KCNIP1: variants seen among roughly 807,000 people sequenced by gnomAD.
The protein encoded by KCNIP1 is potassium voltage-gated channel interacting protein 1.
KCNIP1 carries 18 observed loss-of-function variants against 33.0 expected under a neutral mutation model. That is an observed-to-expected ratio of 0.55 (90% confidence interval 0.38 to 0.81). The LOEUF is 0.81. Ranked by LOEUF, KCNIP1 falls within the 30% of genes least tolerant of loss-of-function variation. The pLI is 0.00. For synonymous variants in KCNIP1, 93 were observed against 98.3 expected, an observed-to-expected ratio of 0.95 and a Z score of 0.32; for missense variants, 238 against 271.6, an observed-to-expected ratio of 0.88 and a Z score of 0.87.
intron 1 of KCNIP1, among the ~76,000 whole-genome samples, chr5:170,557,520 G>A (rs113360978): frequency 2.7e-4 from 41 of 152,098 alleles, no homozygotes; most frequent in Non-Finnish European, 5.0e-4. Context: ...CTCTGTGCTT[G>A]GGGTCAACCA....
At chr5:170,383,472 G>GTTTA (rs1463440461) in intron 1 of KCNIP1, 4 of 639,146 alleles carry the variant, frequency 6.3e-6, no homozygotes, top group Non-Finnish European at 1.1e-5. Flanking sequence ...GCCTGCCTAT[G>GTTTA]TTTACACAGC....
intron 1 of KCNIP1, among the ~76,000 whole-genome samples, chr5:170,476,253 G>A (rs1317061184): frequency 6.6e-6 from 1 of 152,210 alleles, no homozygotes; most frequent in Non-Finnish European, 1.5e-5. Flanking sequence ...TTACAGGCAT[G>A]AGCTACTGCA....
At chr5:170,493,368 C>T (rs1044039969) in intron 1 of KCNIP1, among the ~76,000 whole-genome samples, 9 of 152,122 alleles carry the variant, frequency 5.9e-5, no homozygotes, top group Non-Finnish European at 7.4e-5. Flanking sequence ...AAAGCACTTC[C>T]TAGATCTGCG....
intron 1 of KCNIP1, chr5:170,377,559 T>G (rs968963175): frequency 6.7e-6 from 1 of 150,368 alleles, no homozygotes; most frequent in Non-Finnish European, 1.5e-5. Context: ...TCCAGAGGGT[T>G]GTTTTTCATT....
intron 3 of KCNIP1, 136 bp from the exon 4 acceptor site, chr5:170,721,697 C>T: frequency 6.3e-7 from 1 of 1,591,152 alleles, no homozygotes; most frequent in Non-Finnish European, 8.6e-7. Flanking sequence ...CAATGGGCCC[C>T]ACTCCATAAT....
At chr5:170,449,666 T>C (rs1305446907) in intron 1 of KCNIP1, among the ~76,000 whole-genome samples, 1 of 152,166 alleles carries the variant, frequency 6.6e-6, no homozygotes, top group Non-Finnish European at 1.5e-5. Flanking sequence ...ATAAGGAACT[T>C]AGAACAGAAC....
At chr5:170,368,956 G>T (rs1192263880) in intron 1 of KCNIP1, among the ~76,000 whole-genome samples, 1 of 152,200 alleles carries the variant, frequency 6.6e-6, no homozygotes, top group Non-Finnish European at 1.5e-5. Context: ...ATTCGCATGT[G>T]CACAGAGAGA....
At chr5:170,528,387 A>G (rs1025160608) in intron 1 of KCNIP1, among the ~76,000 whole-genome samples, 3 of 152,170 alleles carry the variant, frequency 2.0e-5, no homozygotes, top group Non-Finnish European at 1.5e-5. Context: ...TGCAGGCCAG[A>G]CTTCAGTTCT....
chr5:170,426,829 G>A (rs909932689), intron 1 of KCNIP1, among the ~76,000 whole-genome samples: 13 of 152,236 alleles, frequency 8.5e-5, no homozygotes, highest in African/African-American at 2.7e-4. Context: ...CTGAGAGCCC[G>A]CCTCCCCTAC....
intron 7 of KCNIP1, 26 bp from the exon 8 acceptor site, chr5:170,735,733 A>T: frequency 6.2e-7 from 1 of 1,610,098 alleles, no homozygotes. Flanking sequence ...CAGAGTTCTA[A>T]CCCTCTTGCC....
At chr5:170,471,501 G>A (rs980502879) in intron 1 of KCNIP1, among the ~76,000 whole-genome samples, 1 of 152,160 alleles carries the variant, frequency 6.6e-6, no homozygotes, top group African/African-American at 2.4e-5. Flanking sequence ...CCTTTTCACA[G>A]CTCAGGGAGG....
intron 1 of KCNIP1, among the ~76,000 whole-genome samples, chr5:170,507,233 C>T (rs1754755698): frequency 6.6e-6 from 1 of 152,212 alleles, no homozygotes; most frequent in Admixed American, 6.5e-5. Context: ...CTGCTGGGTT[C>T]AAATTCAGGC....
intron 1 of KCNIP1, among the ~76,000 whole-genome samples, chr5:170,660,724 C>T (rs1761450811): frequency 6.6e-6 from 1 of 152,224 alleles, no homozygotes; most frequent in South Asian, 2.1e-4. Context: ...GGCTCCTGAC[C>T]AGCGGGGCTC....
At chr5:170,499,023 G>A (rs1215856420), upstream of KCNIP1, among the ~76,000 whole-genome samples, 1 of 152,116 alleles carries the variant, frequency 6.6e-6, no homozygotes, top group African/African-American at 2.4e-5. Context: ...TGGGGGCGGT[G>A]GAGGTGGGGT....
rs116083648 is a variant in KCNIP1, at chr5:170,705,913, C to G, written c.62-12845C>G. On this transcript the variant is annotated intron_variant, in intron 1 of 7. Coordinates refer to ENST00000328939, the MANE Select transcript of KCNIP1 (RefSeq NM_014592.4). ...TGGAAATAACATTTTTGAGCACCTA[C>G]TATGCATGTAGAGCATCTTACATAC... 3.2e-3 allele frequency among the ~76,000 whole-genome samples: 482 copies of G among 152,272 alleles called. 1 individual carries two copies. Among genetic ancestry groups the G allele is most frequent in the African/African-American group, 0.011 (458 of 41,540 alleles).
chr5:170,378,146 G>T (rs1251954094), intron 1 of KCNIP1: 2 of 152,298 alleles, frequency 1.3e-5, no homozygotes, highest in Non-Finnish European at 2.9e-5. Flanking sequence ...GAGTTCTCAT[G>T]TGTTTCCTTG....
chr5:170,591,264 C>T (rs909704136), intron 1 of KCNIP1, among the ~76,000 whole-genome samples: 1 of 152,174 alleles, frequency 6.6e-6, no homozygotes, highest in African/African-American at 2.4e-5. Context: ...ACTGCCTGAC[C>T]GTGTGTCCTT....
intron 1 of KCNIP1, among the ~76,000 whole-genome samples, chr5:170,577,253 G>T (rs1012128103): frequency 6.6e-6 from 1 of 152,212 alleles, no homozygotes; most frequent in African/African-American, 2.4e-5. Flanking sequence ...GATGCCGAGT[G>T]ACTCAATCTG....
In KCNIP1 at chr5:170,521,562, CA is replaced by C. The variant is rs199550002; in HGVS notation, c.61+16931del. Reference sequence around the variant, plus strand: ...TGTCATGTCTGTGGCTGGGGATCTCCAAGTAACATCAGCTTACGTCTGGGAA... The same window carrying C: ...TGTCATGTCTGTGGCTGGGGATCTCCAGTAACATCAGCTTACGTCTGGGAA... On this transcript the variant is annotated intron_variant, in intron 1 of 7. Transcript: ENST00000328939. Among the ~76,000 whole-genome samples the C allele has an allele frequency of 9.3e-3, 1,417 of 152,316 alleles. 26 individuals are homozygous for C. The highest frequency in any genetic ancestry group is 0.032 in the African/African-American group (1,331 of 41,568).
Sources: gnomAD v4.1 joint callset for allele counts (sites outside exome capture counted in the v4.1 genomes callset) on GRCh38, gnomAD v4.1.1 for gene constraint, MANE v1.5 for transcripts, NCBI Gene and HGNC (gene_info 2026-07-23, HGNC 2026-07-21) for gene names.